HKDC1: variants seen among roughly 807,000 people sequenced by gnomAD.
The protein encoded by HKDC1 is hexokinase domain containing 1.
In HKDC1, 66 loss-of-function variants were observed where a neutral mutation model predicts 96.6. The observed-to-expected ratio is 0.68, with a 90% confidence interval of 0.56 to 0.84. The LOEUF (loss-of-function observed/expected upper bound fraction) is 0.84. HKDC1 is among the 40% of genes least tolerant of loss of function. The probability of loss-of-function intolerance (pLI) is 0.00; values close to 1 mark genes in which losing one functional copy is unlikely to be tolerated. For synonymous variants in HKDC1, 466 were observed against 473.1 expected (o/e 0.98, Z 0.20); for missense variants, 1,211 against 1,208.1 (o/e 1.00, Z -0.04).
intron 14 of HKDC1, 147 bp from the exon 15 acceptor site, chr10:69,258,629 C>T (rs770515665): frequency 5.3e-4 from 411 of 779,560 alleles, no homozygotes; most frequent in Non-Finnish European, 8.5e-4. Context: ...GATGCTTGCC[C>T]AAGGTTAGCC....
In HKDC1 at chr10:69,233,295, T is replaced by G. The variant is rs183286988; in HGVS notation, c.495+162T>G. 2.7e-3 allele frequency among the ~76,000 whole-genome samples: 411 copies of G among 152,266 alleles called. 2 individuals carry two copies. Among genetic ancestry groups the G allele is most frequent in the African/African-American group, 9.3e-3 (388 of 41,552 alleles). On this transcript the variant is annotated intron_variant, in intron 4 of 17. Transcript: ENST00000354624. ...AGGTGGCAGCGTGAGGCAGAGAACT[T>G]GTTAACGCAATGGCCTTGATTTTAT...
intron 12 of HKDC1, among the ~76,000 whole-genome samples, chr10:69,251,261 A>AT (rs1290408778): frequency 6.6e-6 from 1 of 151,354 alleles, no homozygotes; most frequent in Non-Finnish European, 1.5e-5. Flanking sequence ...CGCCTGGCTA[A>AT]TTTTTTGTAT....
chr10:69,252,972 A>AGGTG (rs1589414318), intron 12 of HKDC1, among the ~76,000 whole-genome samples: 3 of 120,096 alleles, frequency 2.5e-5, no homozygotes, highest in Non-Finnish European at 4.9e-5. Context: ...CCATCTCTAA[A>AGGTG]CGTGTGTGTG....
In HKDC1 at chr10:69,241,061, C is replaced by T. The variant is rs375444152; in HGVS notation, c.691+310C>T. Among the ~76,000 whole-genome samples, 22 of 151,784 alleles carry T rather than the reference C, an allele frequency of 1.4e-4. No individual in the cohort carries two copies. The East Asian group carries it at 3.3e-3, about 23-fold the overall frequency. On this transcript the variant is annotated intron_variant, in intron 6 of 17. Transcript: ENST00000354624. ...TAAGATAATTTCAGGTGGTGGTTAG[C>T]GTGATAAAAAAACAAAAAACAAAAA...
In HKDC1 at chr10:69,238,368, C is replaced by T. The variant is rs867789994; in HGVS notation, c.496-674C>T. 2.4e-4 allele frequency among the ~76,000 whole-genome samples: 15 copies of T among 61,360 alleles called. 1 individual carries two copies. Among genetic ancestry groups the T allele is most frequent in the African/African-American group, 9.1e-4 (11 of 12,124 alleles). The allele number at this position is 61,360 out of a possible 152,430, so 40.3% of individuals were successfully genotyped here. On this transcript the variant is annotated intron_variant, in intron 4 of 17. Transcript: ENST00000354624. Reference sequence around the variant, plus strand: ...GCATGTATAATACACCAGGTATTTTCTTTTTTTTTTTTTTTTTTTGAGACG... The same window carrying T: ...GCATGTATAATACACCAGGTATTTTTTTTTTTTTTTTTTTTTTTTGAGACG...
Position 69,220,507 on chromosome 10 carries a change from G to C in HKDC1, c.63+9G>C. The C allele has an allele frequency of 6.3e-7, 1 of 1,575,724 alleles. No homozygotes were observed. Among genetic ancestry groups the C allele is most frequent in the Non-Finnish European group, 8.6e-7 (1 of 1,162,188 alleles). On this transcript the variant is annotated intron_variant, in intron 1 of 17. Transcript: ENST00000354624. ...AGGACCAGATCAAGAAGGTAAGGAG[G>C]ACCCACGAAGCTGAGAGATGCCCAG... is the stretch of plus-strand genomic sequence containing the variant.
intron 16 of HKDC1, among the ~76,000 whole-genome samples, chr10:69,264,987 AT>A (rs142968171): frequency 0.051 from 7,785 of 152,194 alleles, 646 homozygotes; most frequent in African/African-American, 0.18. Flanking sequence ...TTCTGATTGT[AT>A]TTTGTATATT....
chr10:69,226,593 T>C (rs1843159374), intron 1 of HKDC1, among the ~76,000 whole-genome samples: 1 of 151,642 alleles, frequency 6.6e-6, no homozygotes, highest in African/African-American at 2.4e-5. Flanking sequence ...AGGTGGAGGC[T>C]GCAGTGAGCC....
intron 12 of HKDC1, among the ~76,000 whole-genome samples, chr10:69,253,731 A>C (rs1182746352): frequency 6.6e-6 from 1 of 152,158 alleles, no homozygotes; most frequent in Non-Finnish European, 1.5e-5. Flanking sequence ...GCCAAGAGGA[A>C]TCCAGTGCTG....
chr10:69,265,965 T>C, intron 17 of HKDC1, 147 bp downstream of exon 17: 1 of 653,082 alleles, frequency 1.5e-6, no homozygotes. Context: ...AAGTCACCTA[T>C]TCAATCTGAC....
chr10:69,247,071 C>T (rs1250123256), intron 8 of HKDC1, among the ~76,000 whole-genome samples: 1 of 152,232 alleles, frequency 6.6e-6, no homozygotes, highest in Non-Finnish European at 1.5e-5. Context: ...AACCTTTCTG[C>T]ACTCACATCT....
At position 69,266,838 on chromosome 10, in the gene HKDC1, G is replaced by A. The variant is rs189061139; in HGVS notation, c.*81G>A. On this transcript the variant is annotated 3_prime_UTR_variant, in exon 18 of 18. Coordinates refer to ENST00000354624, the MANE Select transcript of HKDC1 (RefSeq NM_025130.4). ...CAGATCAGTTGGTCAGAGACCAATG[G>A]GCACCCTCCTGGCTGACCTCACCTT... The A allele has an allele frequency of 9.0e-4, 1,296 of 1,438,142 alleles. 26 individuals carry two copies. In the Admixed American group the frequency reaches 0.025, roughly 28 times the overall value. 89.1% of individuals were successfully genotyped at this position (1,438,142 alleles called of 1,614,324 possible).
chr10:69,229,243 G>A (rs746784036), intron 2 of HKDC1, among the ~76,000 whole-genome samples: 3 of 152,212 alleles, frequency 2.0e-5, no homozygotes, highest in Admixed American at 2.0e-4. Context: ...GGGATCAGTC[G>A]TGTTCTGGAC....
At chr10:69,253,685 C>T (rs767858752) in intron 12 of HKDC1, among the ~76,000 whole-genome samples, 7 of 152,122 alleles carry the variant, frequency 4.6e-5, no homozygotes, top group Non-Finnish European at 8.8e-5. Context: ...CCTTCACTTT[C>T]GAGGCAGCAT....
intron 12 of HKDC1, among the ~76,000 whole-genome samples, chr10:69,254,061 T>G (rs906018371): frequency 1.3e-5 from 2 of 152,100 alleles, no homozygotes; most frequent in African/African-American, 4.8e-5. Flanking sequence ...TCCCAGAACT[T>G]TGGGAGGCTG....
At chr10:69,235,983 TAA>T (rs1468246985) in intron 4 of HKDC1, among the ~76,000 whole-genome samples, 1 of 152,184 alleles carries the variant, frequency 6.6e-6, no homozygotes, top group African/African-American at 2.4e-5. Flanking sequence ...TCAGCGAGGT[TAA>T]GAGACTTGCA....
At position 69,261,129 on chromosome 10, in the gene HKDC1, C is replaced by T. The variant is rs890288264; in HGVS notation, c.2217-10C>T. On this transcript the variant is annotated splice_polypyrimidine_tract_variant and intron_variant, in intron 15 of 17. Coordinates refer to ENST00000354624, the MANE Select transcript of HKDC1 (RefSeq NM_025130.4). Reference sequence around the variant, plus strand: ...GGTCTGCCCCAACCTTATCCTTCTTCTCCAAACAGATACGAGAAAATGACC... The same window carrying T: ...GGTCTGCCCCAACCTTATCCTTCTTTTCCAAACAGATACGAGAAAATGACC... 3 of 1,611,422 alleles carry T rather than the reference C, an allele frequency of 1.9e-6. No individual in the cohort carries two copies. Among genetic ancestry groups the T allele is most frequent in the Admixed American group, 1.7e-5 (1 of 59,974 alleles).
Position 69,233,061 on chromosome 10 carries a change from A to C in HKDC1, c.423A>C (p.Lys141Asn). ...GTCTGGCAGATTTCATGAAGACCAA[A>C]GATTTAAAGCATAAGAAATTGCCCC... ...ADCLADFMKT[K>N]DLKHKKLPLG... The change falls in exon 4 of 18, where the codon AAA (lysine) becomes AAC (asparagine). Residue 141 changes from lysine (K) to asparagine (N), a missense_variant. Transcript: ENST00000354624. The C allele has an allele frequency of 6.2e-7, 1 of 1,614,186 alleles. No homozygotes were observed. Among genetic ancestry groups the C allele is most frequent in the East Asian group, 2.2e-5 (1 of 44,880 alleles).
chr10:69,252,305 A>G (rs1483540155), intron 12 of HKDC1, among the ~76,000 whole-genome samples: 1 of 152,052 alleles, frequency 6.6e-6, no homozygotes, highest in East Asian at 1.9e-4. Flanking sequence ...TGAGGCCAGG[A>G]GTTCAAGACC....
Sources: allele counts gnomAD v4.1 joint callset (sites outside exome capture counted in the v4.1 genomes callset), GRCh38; gene constraint gnomAD v4.1.1; transcripts MANE v1.5; gene names NCBI Gene and HGNC (gene_info 2026-07-23, HGNC 2026-07-21).